PCNX4: variants seen among roughly 807,000 people sequenced by gnomAD.
PCNX4 encodes the protein pecanex 4.
A neutral mutation model predicts 107.2 loss-of-function variants in PCNX4; 103 were observed. The observed-to-expected ratio is 0.96, with a 90% CI of 0.82 to 1.13. The LOEUF is 1.13. PCNX4 is among the 50% of genes most tolerant of loss of function. PCNX4 has a pLI of 0.00. For synonymous variants in PCNX4, 541 were observed against 481.7 expected, an observed-to-expected ratio of 1.12 and a Z score of -1.61; for missense variants, 1,528 against 1,379.4, an observed-to-expected ratio of 1.11 and a Z score of -1.71.
Position 60,118,420 on chromosome 14 carries a change from A to G in PCNX4, c.1670A>G (p.Gln557Arg). Reference sequence around the variant, plus strand: ...TTGACATCATGGACAGAGAAAAAACAACGTCGAAAAACAACTGCCACTTTA... The same window carrying G: ...TTGACATCATGGACAGAGAAAAAACGACGTCGAAAAACAACTGCCACTTTA... ...VLLTSWTEKK[Q>R]RRKTTATLCI... Residue 557 changes from glutamine to arginine, a missense_variant, in exon 7 of 11, where the codon CAA becomes CGA. Gln to Arg is a conservative substitution (Grantham distance 43, BLOSUM62 1). Coordinates refer to ENST00000406854, the MANE Select transcript of PCNX4 (RefSeq NM_001330177.2). 6.2e-7 allele frequency: 1 copy of G among 1,613,564 alleles called. No individual in the cohort carries two copies. The highest frequency in any genetic ancestry group is 8.5e-7 in the Non-Finnish European group (1 of 1,179,666).
chr14:60,144,871 A>T lies in PCNX4; in HGVS notation c.*10650A>T, dbSNP rs771478759. ...CATATCTATTAAAAAGTAAAATCACAAATTAGTCTTTGATTATTCAGAAGC... is the reference window on the plus strand; with the variant it reads ...CATATCTATTAAAAAGTAAAATCACTAATTAGTCTTTGATTATTCAGAAGC... On this transcript the variant is annotated 3_prime_UTR_variant, in exon 11 of 11. Transcript: ENST00000406854. 1 of 1,061,040 alleles carries T rather than the reference A, an allele frequency of 9.4e-7. No homozygotes were observed. Among genetic ancestry groups the T allele is most frequent in the Non-Finnish European group, 1.4e-6 (1 of 694,850 alleles). 65.7% of individuals were successfully genotyped at this position (1,061,040 alleles called of 1,614,324 possible). A position where few individuals can be genotyped will look rare whatever the true frequency, so the allele number is the denominator to read the frequency against.
At position 60,141,514 on chromosome 14, in the gene PCNX4, C is replaced by T. The variant is rs1158643126; in HGVS notation, c.*7293C>T. ...TGTAACTTTCGGCTTATACACATGA[C>T]AACTTAGAAGAAATAATCTGATTCT... On this transcript the variant is annotated 3_prime_UTR_variant, in exon 11 of 11. Transcript: ENST00000406854. 6.6e-6 allele frequency: 1 copy of T among 152,178 alleles called. No homozygotes were observed. Among genetic ancestry groups the T allele is most frequent in the Admixed American group, 6.5e-5 (1 of 15,280 alleles). 9.4% of individuals were successfully genotyped at this position (152,178 alleles called of 1,614,324 possible). A position where few individuals can be genotyped will look rare whatever the true frequency, so the allele number is the denominator to read the frequency against.
intron 10 of PCNX4, among the ~76,000 whole-genome samples, chr14:60,127,876 A>C (rs1462868862): frequency 6.6e-6 from 1 of 152,204 alleles, no homozygotes; most frequent in Admixed American, 6.5e-5. Flanking sequence ...TGGTTGAAGA[A>C]ATAAAGGACA....
chr14:60,096,921 T>A (rs1286291356), intron 1 of PCNX4, among the ~76,000 whole-genome samples: 2 of 152,208 alleles, frequency 1.3e-5, no homozygotes, highest in Non-Finnish European at 2.9e-5. Context: ...AGCAAACCAG[T>A]CCTACCATGA....
intron 1 of PCNX4, among the ~76,000 whole-genome samples, chr14:60,094,823 A>G (rs906451411): frequency 1.4e-5 from 2 of 141,246 alleles, no homozygotes; most frequent in Admixed American, 1.6e-4. Context: ...CCTAACAGCA[A>G]TAGCATGGTA....
rs1343509422 is a variant in PCNX4 at position 60,125,787 on chromosome 14, G to A, written c.3231G>A (p.Lys1077=). 3 of 1,610,158 alleles carry A rather than the reference G, an allele frequency of 1.9e-6. No individual in the cohort carries two copies. Among genetic ancestry groups the A allele is most frequent in the Admixed American group, 3.4e-5 (2 of 59,386 alleles). ...GGAAGGAAGCAATTTTACAAGAAAAGCCATACTTGTTTTCTCTGGGGTATG... is the reference window on the plus strand; with the variant it reads ...GGAAGGAAGCAATTTTACAAGAAAAACCATACTTGTTTTCTCTGGGGTATG... ...EKWKEAILQE[K]PYLFSLGYDS... The change falls in exon 10 of 11, where the codon AAG becomes AAA. Residue 1077 remains lysine, a synonymous_variant. Transcript: ENST00000406854.
intron 2 of PCNX4, among the ~76,000 whole-genome samples, chr14:60,112,516 A>G (rs1170684107): frequency 1.3e-5 from 2 of 152,230 alleles, no homozygotes; most frequent in African/African-American, 4.8e-5. Context: ...GAGAATAATC[A>G]CAATGTTTGA....
chr14:60,100,020 A>G (rs1895499236), intron 1 of PCNX4, among the ~76,000 whole-genome samples: 3 of 152,096 alleles, frequency 2.0e-5, no homozygotes, highest in Admixed American at 6.6e-5. Flanking sequence ...AGCCAAGATC[A>G]TGCTACTGCA....
Position 60,108,270 on chromosome 14 carries a change from T to C in PCNX4, c.632T>C (p.Ile211Thr). ...TFQTQDTYEI[I>T]PLMRPLYIFF... ...CAAACACAGGATACTTATGAAATTA[T>C]TCCTCTTATGAGACCTCTTTATATT... Residue 211 changes from isoleucine to threonine, a missense_variant, in exon 2 of 11, where the codon ATT becomes ACT. By Grantham distance (89) the Ile-to-Thr change is moderately conservative. Coordinates refer to ENST00000406854, the MANE Select transcript of PCNX4 (RefSeq NM_001330177.2). 6.2e-7 allele frequency: 1 copy of C among 1,612,706 alleles called. No homozygotes were observed. The highest frequency in any genetic ancestry group is 8.5e-7 in the Non-Finnish European group (1 of 1,179,784).
In PCNX4 at chr14:60,108,059, G is replaced by A. The variant is rs1193576359; in HGVS notation, c.421G>A (p.Val141Ile). 6 of 1,612,734 alleles carry A rather than the reference G, an allele frequency of 3.7e-6. No individual in the cohort carries two copies. In the Admixed American group the frequency reaches 8.3e-5, roughly 22 times the overall value. ...TGGCAAGAAATATGTAGCCAATACAGTTTTTCATTCTATTCTTGCTGGATT... is the reference window on the plus strand; with the variant it reads ...TGGCAAGAAATATGTAGCCAATACAATTTTTCATTCTATTCTTGCTGGATT... Reference protein sequence around the residue: ...IPGKKYVANTVFHSILAGLAC... With the variant: ...IPGKKYVANTIFHSILAGLAC... The change falls in exon 2 of 11, where the codon GTT becomes ATT. Residue 141 changes from valine to isoleucine, a missense_variant. By Grantham distance (29) the Val-to-Ile change is conservative. Coordinates refer to ENST00000406854, the MANE Select transcript of PCNX4 (RefSeq NM_001330177.2).
intron 8 of PCNX4, among the ~76,000 whole-genome samples, 170 bp downstream of exon 8, chr14:60,121,469 G>A (rs1437391774): frequency 6.6e-6 from 1 of 152,098 alleles, no homozygotes; most frequent in Non-Finnish European, 1.5e-5. Context: ...TTGATAGGTG[G>A]ACTAATGTTA....
chr14:60,095,230 T>A (rs991168262), intron 1 of PCNX4, among the ~76,000 whole-genome samples: 2 of 152,228 alleles, frequency 1.3e-5, no homozygotes, highest in Non-Finnish European at 2.9e-5. Context: ...TTTATGCCTT[T>A]GGCTCAGTGA....
chr14:60,140,129 G>A lies in PCNX4; in HGVS notation c.*5908G>A, dbSNP rs1407039861. 6.6e-6 allele frequency: 1 copy of A among 152,064 alleles called. No homozygotes were observed. Among genetic ancestry groups the A allele is most frequent in the Non-Finnish European group, 1.5e-5 (1 of 68,008 alleles). The allele number at this position is 152,064 out of a possible 1,614,324, so 9.4% of individuals were successfully genotyped here. On this transcript the variant is annotated 3_prime_UTR_variant, in exon 11 of 11. Coordinates refer to ENST00000406854, the MANE Select transcript of PCNX4 (RefSeq NM_001330177.2). The surrounding 1 kb of genome is among the most constrained non-coding windows in gnomAD (Gnocchi z 4.2). ...TTGAAAAGATAATTGATAAGTGTCT[G>A]GTAGACTGAAAAAGGAAGAAACACA...
rs1566515328 is a variant in PCNX4, at chr14:60,119,228, T to G, written c.1942+536T>G. Among the ~76,000 whole-genome samples, 3 of 152,184 alleles carry G rather than the reference T, an allele frequency of 2.0e-5. No individual in the cohort carries two copies. In the South Asian group the frequency reaches 6.2e-4, roughly 31 times the overall value. On this transcript the variant is annotated intron_variant, in intron 7 of 10. Coordinates refer to ENST00000406854, the MANE Select transcript of PCNX4 (RefSeq NM_001330177.2). ...GTAGCCTCCCAAAATGAAATGCTAT[T>G]CAGTTACTAGCAAGATAATAGGTTT...
At chr14:60,128,337 C>T (rs973334890) in intron 10 of PCNX4, among the ~76,000 whole-genome samples, 4 of 152,082 alleles carry the variant, frequency 2.6e-5, no homozygotes, top group African/African-American at 9.7e-5. Flanking sequence ...ACCTTGAAAG[C>T]ACCAAGTAAA....
chr14:60,112,911 C>T (rs921555450), intron 2 of PCNX4, among the ~76,000 whole-genome samples: 1 of 152,182 alleles, frequency 6.6e-6, no homozygotes, highest in African/African-American at 2.4e-5. Context: ...GGTCCAGGCG[C>T]GGTGGCTCAC....
At chr14:60,117,728 T>C (rs1895877859) in intron 6 of PCNX4, among the ~76,000 whole-genome samples, 1 of 152,304 alleles carries the variant, frequency 6.6e-6, no homozygotes, top group South Asian at 2.1e-4. Flanking sequence ...TAGTTTTCTT[T>C]CCTTGTGATA....
At chr14:60,103,814 C>T (rs1895578262) in intron 1 of PCNX4, among the ~76,000 whole-genome samples, 1 of 152,196 alleles carries the variant, frequency 6.6e-6, no homozygotes, top group South Asian at 2.1e-4. Context: ...AGGAGAAACA[C>T]AGCCATATTT....
intron 1 of PCNX4, among the ~76,000 whole-genome samples, chr14:60,100,123 A>G (rs1331333635): frequency 6.6e-6 from 1 of 152,156 alleles, no homozygotes; most frequent in Admixed American, 6.5e-5. Flanking sequence ...CCGTCATGTC[A>G]AAGAGCTAAT....
Sources: allele counts gnomAD v4.1 joint callset (sites outside exome capture counted in the v4.1 genomes callset), GRCh38; gene constraint gnomAD v4.1.1; non-coding constraint Gnocchi (gnomAD v3.1); transcripts MANE v1.5; gene names NCBI Gene and HGNC (gene_info 2026-07-23, HGNC 2026-07-21).